CALD1: variants seen among roughly 807,000 people sequenced by gnomAD.
CALD1 encodes caldesmon 1, also known as caldesmon.
CALD1 carries 33 observed loss-of-function variants against 99.9 expected under a neutral mutation model. That is an observed-to-expected ratio of 0.33 (90% CI 0.25 to 0.44). CALD1 has a LOEUF of 0.44. Among genes scored for constraint, CALD1 ranks in the 20% least tolerant of loss-of-function variants. The pLI is 1.00. For missense variants in CALD1, 861 were observed against 962.1 expected, an observed-to-expected ratio of 0.89 and a Z score of 1.39; for synonymous variants, 310 against 325.0, an observed-to-expected ratio of 0.95 and a Z score of 0.50.
At chr7:134,804,516 A>G (rs1798063072) in intron 1 of CALD1, among the ~76,000 whole-genome samples, 1 of 152,226 alleles carries the variant, frequency 6.6e-6, no homozygotes, top group Non-Finnish European at 1.5e-5. Flanking sequence ...CATCTGAGGC[A>G]TTTCCTTCCT....
At chr7:134,828,006 T>C (rs932787147) in intron 1 of CALD1, among the ~76,000 whole-genome samples, 1 of 152,216 alleles carries the variant, frequency 6.6e-6, no homozygotes, top group Non-Finnish European at 1.5e-5. Flanking sequence ...TGTTACTGCA[T>C]AGAAATACAA....
chr7:134,814,483 T>G (rs1357504406), intron 1 of CALD1, among the ~76,000 whole-genome samples: 1 of 152,088 alleles, frequency 6.6e-6, no homozygotes, highest in Non-Finnish European at 1.5e-5. Flanking sequence ...AGTGTAGTGG[T>G]GAGACTGGGA....
chr7:134,712,662 C>T, the CALD1 span, among the ~76,000 whole-genome samples: 6 of 152,190 alleles, frequency 3.9e-5, no homozygotes, highest in South Asian at 8.3e-4. Context: ...TGGGTTTTCT[C>T]TTTTGTGGTA....
At chr7:134,861,958 A>G (rs1468560515) in intron 2 of CALD1, among the ~76,000 whole-genome samples, 4 of 152,230 alleles carry the variant, frequency 2.6e-5, no homozygotes, top group African/African-American at 7.2e-5. Flanking sequence ...AAAGTATGCA[A>G]TGATGCTGTC....
intron 1 of CALD1, among the ~76,000 whole-genome samples, chr7:134,814,033 A>C (rs921874087): frequency 6.6e-6 from 1 of 152,208 alleles, no homozygotes; most frequent in South Asian, 2.1e-4. Flanking sequence ...GTAGCATTGG[A>C]AAGAGTTAAA....
chr7:134,711,628 T>TTCTCTCTCTCTC, the CALD1 span, among the ~76,000 whole-genome samples: 405 of 64,000 alleles, frequency 6.3e-3, 10 homozygotes, highest in East Asian at 0.02. Context: ...CAACCTCAGC[T>TTCTCTCTCTCTC]TCTCTCTCTC....
chr7:134,839,970 T>G (rs1799588072), intron 1 of CALD1, among the ~76,000 whole-genome samples: 1 of 152,230 alleles, frequency 6.6e-6, no homozygotes, highest in Non-Finnish European at 1.5e-5. Context: ...TGTGTGGAAA[T>G]TTTTATATAT....
chr7:134,721,044 CT>C, the CALD1 span, among the ~76,000 whole-genome samples: 362 of 152,254 alleles, frequency 2.4e-3, 1 homozygote, highest in African/African-American at 8.1e-3. Flanking sequence ...CTAACAGACC[CT>C]CTGAATCTTC....
the CALD1 span, among the ~76,000 whole-genome samples, chr7:134,722,845 T>C: frequency 6.6e-6 from 1 of 152,152 alleles, no homozygotes; most frequent in South Asian, 2.1e-4. Flanking sequence ...CTATTAGATA[T>C]ATAGTGGAAA....
chr7:134,777,727 G>A (rs6964792), upstream of CALD1, among the ~76,000 whole-genome samples: 93 of 152,272 alleles, frequency 6.1e-4, 1 homozygote, highest in African/African-American at 2.0e-3. Context: ...CTGGACACAG[G>A]TCATATCTTT....
At chr7:134,850,478 C>A (rs1416187351) in intron 2 of CALD1, among the ~76,000 whole-genome samples, 1 of 152,162 alleles carries the variant, frequency 6.6e-6, no homozygotes, top group Non-Finnish European at 1.5e-5. Context: ...GTCTTTTCAT[C>A]TGTAAAATGG....
intron 3 of CALD1, among the ~76,000 whole-genome samples, chr7:134,914,883 T>C (rs1020509477): frequency 6.6e-6 from 1 of 152,204 alleles, no homozygotes; most frequent in Non-Finnish European, 1.5e-5. Context: ...TTTACCACAT[T>C]CTACCTATTA....
At chr7:134,953,218 C>T (rs752295273) in intron 9 of CALD1, among the ~76,000 whole-genome samples, 7 of 152,122 alleles carry the variant, frequency 4.6e-5, no homozygotes, top group Non-Finnish European at 1.0e-4. Flanking sequence ...GTGGCTCACA[C>T]CTGTAATGCC....
At chr7:134,712,878 C>A in the CALD1 span, among the ~76,000 whole-genome samples, 2 of 152,158 alleles carry the variant, frequency 1.3e-5, no homozygotes, top group African/African-American at 4.8e-5. Flanking sequence ...TCGTTAAAAT[C>A]CAAGAGGAAA....
chr7:134,907,359 G>A (rs1253487818), intron 3 of CALD1, among the ~76,000 whole-genome samples: 1 of 151,972 alleles, frequency 6.6e-6, no homozygotes, highest in African/African-American at 2.4e-5. Context: ...AAGTAGCCCT[G>A]TAAACAGAGG....
chr7:134,714,770 T>G, the CALD1 span, among the ~76,000 whole-genome samples: 2 of 152,218 alleles, frequency 1.3e-5, no homozygotes, highest in African/African-American at 4.8e-5. Flanking sequence ...GGGTGGTAAC[T>G]TCCAGGTTTT....
the CALD1 span, among the ~76,000 whole-genome samples, chr7:134,737,105 CT>C: frequency 1.3e-5 from 2 of 152,036 alleles, no homozygotes; most frequent in African/African-American, 4.8e-5. Flanking sequence ...CAAATGACAT[CT>C]GATTTGGCTA....
chr7:134,750,561 G>A (rs903416770), intron 1 of CALD1, among the ~76,000 whole-genome samples: 1 of 152,100 alleles, frequency 6.6e-6, no homozygotes, highest in Non-Finnish European at 1.5e-5. Context: ...CTCAAAAGCT[G>A]AGGTACATGT....
At chr7:134,725,311 G>A in the CALD1 span, among the ~76,000 whole-genome samples, 3 of 152,172 alleles carry the variant, frequency 2.0e-5, no homozygotes, top group Non-Finnish European at 4.4e-5. Flanking sequence ...AACAAAAGGA[G>A]GTGTCCATGG....
Sources: gnomAD v4.1 joint callset for allele counts (sites outside exome capture counted in the v4.1 genomes callset) on GRCh38, gnomAD v4.1.1 for gene constraint, MANE v1.5 for transcripts, NCBI Gene and HGNC (gene_info 2026-07-23, HGNC 2026-07-21) for gene names.